The following OTOGL variants were observed in gnomAD, a reference collection of about 807,000 sequenced individuals.
OTOGL encodes the protein otogelin-like protein.
Under a neutral mutation model 318.5 loss-of-function variants are expected in OTOGL, and 285 were observed. The observed-to-expected ratio is 0.89, with a 90% confidence interval of 0.81 to 0.99. The LOEUF is 0.99. Among genes scored for constraint, OTOGL ranks in the 50% least tolerant of loss-of-function variants. The pLI is 0.00. For synonymous variants in OTOGL, 987 were observed against 936.5 expected (o/e 1.05, Z -0.99); for missense variants, 2,899 against 2,845.6 (o/e 1.02, Z -0.43).
At chr12:80,264,455 G>A (rs1882790078) in intron 19 of OTOGL, among the ~76,000 whole-genome samples, 1 of 152,002 alleles carries the variant, frequency 6.6e-6, no homozygotes, top group Non-Finnish European at 1.5e-5. Flanking sequence ...AAACATTATT[G>A]AGCTCCTAAT....
chr12:80,249,009 G>A (rs1251451898), intron 11 of OTOGL, among the ~76,000 whole-genome samples: 2 of 145,486 alleles, frequency 1.4e-5, no homozygotes, highest in Non-Finnish European at 3.0e-5. Flanking sequence ...TTGGTTTTCA[G>A]CTCCATCAGC....
intron 32 of OTOGL, among the ~76,000 whole-genome samples, chr12:80,314,656 C>T (rs1886858807): frequency 6.6e-6 from 1 of 152,052 alleles, no homozygotes; most frequent in Non-Finnish European, 1.5e-5. Context: ...ATAACAAATG[C>T]ATACCTTTAC....
intron 1 of OTOGL, among the ~76,000 whole-genome samples, chr12:80,187,708 G>C (rs1875388508): frequency 6.6e-6 from 1 of 152,246 alleles, no homozygotes; most frequent in Non-Finnish European, 1.5e-5. Context: ...GACTTCCTTG[G>C]ATCTGAAAGG....
At chr12:80,174,002 T>C (rs1874372255) in intron 1 of OTOGL, among the ~76,000 whole-genome samples, 1 of 152,240 alleles carries the variant, frequency 6.6e-6, no homozygotes, top group African/African-American at 2.4e-5. Flanking sequence ...GCTCATCCTG[T>C]ATTCCTATAT....
intron 34 of OTOGL, among the ~76,000 whole-genome samples, chr12:80,323,125 CACACACACACACACACACACACAT>C (rs1460016240): frequency 1.9e-4 from 24 of 126,070 alleles, no homozygotes; most frequent in Non-Finnish European, 3.2e-4. Flanking sequence ...CACACACACA[CACACACACACACACACACACACAT>C]ATATAAAATA....
At chr12:80,323,695 A>G (rs763396095) in intron 34 of OTOGL, 28 bp from the exon 35 acceptor site, 9 of 1,530,900 alleles carry the variant, frequency 5.9e-6, no homozygotes, top group Non-Finnish European at 8.1e-6. Flanking sequence ...TTAAATATGC[A>G]CACAATCTAA....
At chr12:80,253,197 A>G (rs144605381) in intron 13 of OTOGL, among the ~76,000 whole-genome samples, 1 of 152,114 alleles carries the variant, frequency 6.6e-6, no homozygotes, top group African/African-American at 2.4e-5. Flanking sequence ...GCAAGGAAAC[A>G]TTGTTTTGTT....
intron 11 of OTOGL, among the ~76,000 whole-genome samples, chr12:80,244,921 T>C (rs1339354220): frequency 6.8e-6 from 1 of 148,096 alleles, no homozygotes; most frequent in East Asian, 1.9e-4. Flanking sequence ...TGGCCAGTGA[T>C]GATGAGCATT....
intron 25 of OTOGL, 50 bp downstream of exon 25, chr12:80,278,325 A>G: frequency 7.5e-7 from 1 of 1,334,304 alleles, no homozygotes; most frequent in Non-Finnish European, 1.0e-6. Context: ...AATTGTGTAA[A>G]TTTCAATCAT....
At chr12:80,104,466 G>A (rs1410104556) in intron 1 of OTOGL, among the ~76,000 whole-genome samples, 1 of 152,198 alleles carries the variant, frequency 6.6e-6, no homozygotes, top group East Asian at 1.9e-4. Context: ...ATGGTAGCAA[G>A]CACTTACCTA....
intron 1 of OTOGL, among the ~76,000 whole-genome samples, chr12:80,128,007 A>C (rs774820174): frequency 7.2e-5 from 11 of 152,120 alleles, no homozygotes; most frequent in Non-Finnish European, 1.5e-4. Context: ...AGCTTGGAGT[A>C]GTTTGATCGT....
Position 80,209,420 on chromosome 12 carries a change from G to C in OTOGL, c.-12G>C. 3 of 1,471,132 alleles carry C rather than the reference G, an allele frequency of 2.0e-6. No homozygotes were observed. Among genetic ancestry groups the C allele is most frequent in the Non-Finnish European group, 2.7e-6 (3 of 1,106,672 alleles). 91.1% of individuals were successfully genotyped at this position (1,471,132 alleles called of 1,614,324 possible). A position where few individuals can be genotyped will look rare whatever the true frequency, so the allele number is the denominator to read the frequency against. ...AATTTGGTTACATTTCAGGGGGAAAGGCTACACTGAAATGAACATTGTAAG... is the reference window on the plus strand; with the variant it reads ...AATTTGGTTACATTTCAGGGGGAAACGCTACACTGAAATGAACATTGTAAG... On this transcript the variant is annotated 5_prime_UTR_variant, in exon 2 of 59. Transcript: ENST00000547103.
chr12:80,249,444 CCTGCTGGGGGGTGCCTCCCAGTTAGG>C (rs1038934454), intron 11 of OTOGL, among the ~76,000 whole-genome samples: 1 of 151,300 alleles, frequency 6.6e-6, no homozygotes, highest in Non-Finnish European at 1.5e-5. Context: ...TCAGTGTGCC[CCTGCTGGGGGGTGCCTCCCAGTTAGG>C]CTGCTCGGGG....
rs1256178830 is a variant in OTOGL, at chr12:80,207,063, CTT to C, written c.-19-2348_-19-2347del. Among the ~76,000 whole-genome samples the C allele has an allele frequency of 4.7e-5, 7 of 147,672 alleles. No homozygotes were observed. In the South Asian group the frequency reaches 8.7e-4, roughly 18 times the overall value. ...TCAGAAACACATAATTTTCACATGA[CTT>C]TACATTGCTGCTTACTAACTTTTTT... On this transcript the variant is annotated intron_variant, in intron 1 of 58. Coordinates refer to ENST00000547103, the MANE Select transcript of OTOGL (RefSeq NM_001378609.3).
chr12:80,353,590 C>T (rs193122243), intron 46 of OTOGL, 80 bp downstream of exon 46: 15 of 1,130,714 alleles, frequency 1.3e-5, no homozygotes, highest in Non-Finnish European at 1.7e-5. Context: ...CAGAGATGTG[C>T]TAACAAAGGT....
At chr12:80,184,648 TG>T (rs1875160370) in intron 1 of OTOGL, among the ~76,000 whole-genome samples, 1 of 152,128 alleles carries the variant, frequency 6.6e-6, no homozygotes, top group Non-Finnish European at 1.5e-5. Context: ...AGTGGGCCCC[TG>T]TTGCCCATAG....
intron 1 of OTOGL, among the ~76,000 whole-genome samples, chr12:80,141,031 A>G (rs1871901786): frequency 6.6e-6 from 1 of 152,158 alleles, no homozygotes; most frequent in Non-Finnish European, 1.5e-5. Context: ...GCTCCACAAG[A>G]CTTATAAAGA....
chr12:80,320,752 G>T, intron 34 of OTOGL, 52 bp downstream of exon 34: 1 of 1,445,632 alleles, frequency 6.9e-7, no homozygotes, highest in Non-Finnish European at 9.2e-7. Flanking sequence ...TTTATATTAG[G>T]CAGAATATTT....
At chr12:80,300,731 C>T (rs1315285063) in intron 27 of OTOGL, among the ~76,000 whole-genome samples, 1 of 152,058 alleles carries the variant, frequency 6.6e-6, no homozygotes, top group East Asian at 1.9e-4. Flanking sequence ...ATATGGGTCA[C>T]AATTGATGGG....
Sources: gnomAD v4.1 joint callset for allele counts (sites outside exome capture counted in the v4.1 genomes callset) on GRCh38, gnomAD v4.1.1 for gene constraint, MANE v1.5 for transcripts, NCBI Gene and HGNC (gene_info 2026-07-23, HGNC 2026-07-21) for gene names.